HIVEP3: variants seen among roughly 807,000 people sequenced by gnomAD.
HIVEP3 encodes the protein transcription factor HIVEP3.
Under a neutral mutation model 152.8 loss-of-function variants are expected in HIVEP3, and 49 were observed. The ratio of observed to expected loss-of-function variants is 0.32; its 90% CI spans 0.26 to 0.41. The LOEUF is 0.41. Ranked by LOEUF, HIVEP3 falls within the 10% of genes least tolerant of loss-of-function variation. The pLI, the probability that HIVEP3 is intolerant of heterozygous loss-of-function variation, is 1.00. For missense variants in HIVEP3, 2,790 were observed against 3,103.3 expected (o/e 0.90, Z 2.40); for synonymous variants, 1,269 against 1,289.0 (o/e 0.98, Z 0.33).
chr1:41,871,310 T>A lies in HIVEP3; in HGVS notation c.-801+47103A>T, dbSNP rs370836777. Reference sequence around the variant, plus strand: ...TCCAGGACTGGAGTCTGGGATTTGATTTTATACACCCCACAGTGCCCAGCA... The same window carrying A: ...TCCAGGACTGGAGTCTGGGATTTGAATTTATACACCCCACAGTGCCCAGCA... On this transcript the variant is annotated intron_variant, in intron 1 of 8. Coordinates refer to ENST00000372583, the MANE Select transcript of HIVEP3 (RefSeq NM_024503.5). Among the ~76,000 whole-genome samples, 29 of 152,296 alleles carry A rather than the reference T, an allele frequency of 1.9e-4. No individual in the cohort carries two copies. In the East Asian group the frequency reaches 4.4e-3, roughly 23 times the overall value.
chr1:41,724,315 T>C (rs936160509), intron 1 of HIVEP3, among the ~76,000 whole-genome samples: 1 of 152,204 alleles, frequency 6.6e-6, no homozygotes, highest in African/African-American at 2.4e-5. Flanking sequence ...GATCCTCCTC[T>C]GAGAACAGTT....
At chr1:41,657,256 G>C (rs911410059) in intron 2 of HIVEP3, among the ~76,000 whole-genome samples, 3 of 152,238 alleles carry the variant, frequency 2.0e-5, no homozygotes, top group African/African-American at 7.2e-5. Flanking sequence ...AGACCAGGCT[G>C]ATGCAGGTGA....
At chr1:41,906,789 C>T (rs2124460366) in intron 1 of HIVEP3, among the ~76,000 whole-genome samples, 2 of 151,894 alleles carry the variant, frequency 1.3e-5, no homozygotes, top group East Asian at 3.9e-4. Flanking sequence ...TACATACGTT[C>T]TGCTTCCTTT....
At chr1:41,700,694 G>A (rs1646348864) in intron 2 of HIVEP3, among the ~76,000 whole-genome samples, 1 of 152,232 alleles carries the variant, frequency 6.6e-6, no homozygotes, top group African/African-American at 2.4e-5. Context: ...CCTGGCCCAG[G>A]ACTCTCCCAT....
chr1:41,551,737 T>C (rs1369866928), intron 5 of HIVEP3, among the ~76,000 whole-genome samples: 1 of 152,200 alleles, frequency 6.6e-6, no homozygotes, highest in Non-Finnish European at 1.5e-5. Context: ...CCCTTTATCA[T>C]TTTTTATTGC....
rs185818464 is a variant in HIVEP3 at position 41,764,943 on chromosome 1, G to A, written c.-800-63948C>T. Among the ~76,000 whole-genome samples, 264 of 152,330 alleles carry A rather than the reference G, an allele frequency of 1.7e-3. 1 individual carries two copies. The highest frequency in any genetic ancestry group is 3.7e-3 in the Admixed American group (56 of 15,300). On this transcript the variant is annotated intron_variant, in intron 1 of 8. Transcript: ENST00000372583. The stretch of plus-strand genomic sequence containing the variant: ...ACTCAGGGCCATCATCACAGGTGGG[G>A]GTGGCATGGGATAGATGCTAGGTGC...
chr1:41,985,536 T>C (rs1645317390), intron 1 of HIVEP3, among the ~76,000 whole-genome samples: 1 of 152,224 alleles, frequency 6.6e-6, no homozygotes, highest in Admixed American at 6.5e-5. Flanking sequence ...TCTCTTCTTA[T>C]AAGGGCACTA....
intron 1 of HIVEP3, among the ~76,000 whole-genome samples, chr1:41,812,894 G>A (rs979429580): frequency 1.8e-4 from 25 of 141,792 alleles, no homozygotes; most frequent in African/African-American, 5.3e-4. Flanking sequence ...GGGGTGGGGG[G>A]CGGTCCTTGC....
intron 1 of HIVEP3, among the ~76,000 whole-genome samples, chr1:41,957,974 C>G (rs1201571048): frequency 2.6e-5 from 4 of 152,164 alleles, no homozygotes; most frequent in Non-Finnish European, 5.9e-5. Context: ...GGAAATAGGC[C>G]TGAAAGTGTA....
chr1:41,730,393 G>A (rs766675460), intron 1 of HIVEP3, among the ~76,000 whole-genome samples: 10 of 152,168 alleles, frequency 6.6e-5, no homozygotes, highest in Admixed American at 5.2e-4. Context: ...TCTTTGACCC[G>A]GAAGTGCTGG....
chr1:41,527,375 C>G (rs1643016210), intron 5 of HIVEP3, among the ~76,000 whole-genome samples: 1 of 114,924 alleles, frequency 8.7e-6, no homozygotes, highest in South Asian at 2.9e-4. Context: ...CACCCCTGCA[C>G]TCACACTCGC....
intron 1 of HIVEP3, among the ~76,000 whole-genome samples, chr1:41,761,646 T>C (rs1356220676): frequency 1.3e-5 from 2 of 152,198 alleles, no homozygotes; most frequent in African/African-American, 4.8e-5. Context: ...TGTATGCACA[T>C]GAATGTGCAT....
At chr1:41,765,257 C>G (rs1201652450) in intron 1 of HIVEP3, among the ~76,000 whole-genome samples, 2 of 152,190 alleles carry the variant, frequency 1.3e-5, no homozygotes, top group African/African-American at 4.8e-5. Context: ...TCCTCATCTC[C>G]CCAGCTATTT....
chr1:41,750,248 C>T (rs191013204), intron 1 of HIVEP3, among the ~76,000 whole-genome samples: 2 of 152,376 alleles, frequency 1.3e-5, no homozygotes, highest in Admixed American at 6.5e-5. Context: ...GCCAGATCCA[C>T]AGCAAGCACT....
intron 1 of HIVEP3, among the ~76,000 whole-genome samples, chr1:41,886,479 G>A (rs998628141): frequency 3.9e-5 from 6 of 152,030 alleles, no homozygotes; most frequent in African/African-American, 1.2e-4. Context: ...TTGTGACACC[G>A]AGGCAGGCGG....
In HIVEP3 at chr1:41,608,962, T is replaced by C. The variant is rs558064618; in HGVS notation, c.-522+19787A>G. 7.4e-5 allele frequency among the ~76,000 whole-genome samples: 11 copies of C among 149,124 alleles called. No homozygotes were observed. In the East Asian group the frequency reaches 1.4e-3, roughly 19 times the overall value. Reference sequence around the variant, plus strand: ...AGCCAGGTGTGGTGGTGCATGCCTGTAATCCCAGTTACTTGGAAGGTTGAG... The same window carrying C: ...AGCCAGGTGTGGTGGTGCATGCCTGCAATCCCAGTTACTTGGAAGGTTGAG... On this transcript the variant is annotated intron_variant, in intron 3 of 8. Transcript: ENST00000372583.
At chr1:41,717,259 C>T (rs1174322351) in intron 1 of HIVEP3, among the ~76,000 whole-genome samples, 1 of 152,230 alleles carries the variant, frequency 6.6e-6, no homozygotes, top group Non-Finnish European at 1.5e-5. Flanking sequence ...TTCCCTTATT[C>T]CCTCCAACCA....
At position 41,749,362 on chromosome 1, in the gene HIVEP3, G is replaced by C. The variant is rs945751166; in HGVS notation, c.-800-48367C>G. ...ATTCCTGACCTGAGGGTTTCTTCCAGGATTCAAAGGCTCTCTGGACTCTCT... is the reference window on the plus strand; with the variant it reads ...ATTCCTGACCTGAGGGTTTCTTCCACGATTCAAAGGCTCTCTGGACTCTCT... On this transcript the variant is annotated intron_variant, in intron 1 of 8. Coordinates refer to ENST00000372583, the MANE Select transcript of HIVEP3 (RefSeq NM_024503.5). Among the ~76,000 whole-genome samples, 3 of 148,650 alleles carry C rather than the reference G, an allele frequency of 2.0e-5. No homozygotes were observed. The Admixed American group carries it at 2.0e-4, about 10-fold the overall frequency.
At chr1:41,937,095 C>T (rs573082689) in intron 1 of HIVEP3, among the ~76,000 whole-genome samples, 61 of 152,156 alleles carry the variant, frequency 4.0e-4, no homozygotes, top group Non-Finnish European at 7.1e-4. Context: ...TACCTGGAAT[C>T]ATTCTTTCCA....
Sources: allele counts gnomAD v4.1 joint callset (sites outside exome capture counted in the v4.1 genomes callset), GRCh38; gene constraint gnomAD v4.1.1; transcripts MANE v1.5; gene names NCBI Gene and HGNC (gene_info 2026-07-23, HGNC 2026-07-21).